The following SEPTIN14 variants were observed in gnomAD, a reference collection of about 807,000 sequenced individuals.
The protein encoded by SEPTIN14 is septin-14.
A neutral mutation model predicts 53.6 loss-of-function variants in SEPTIN14; 40 were observed. That is an observed-to-expected ratio of 0.75 (90% CI 0.58 to 0.97). The LOEUF (loss-of-function observed/expected upper bound fraction) is 0.97, where lower values mean the gene tolerates loss of function less well. SEPTIN14 is among the 50% of genes least tolerant of loss of function. SEPTIN14 has a pLI of 0.00. For synonymous variants in SEPTIN14, 138 were observed against 166.8 expected (o/e 0.83, Z 1.33); for missense variants, 471 against 508.2 (o/e 0.93, Z 0.70).
At chr7:55,820,382 G>A (rs1013661344) in intron 6 of SEPTIN14, among the ~76,000 whole-genome samples, 2 of 152,028 alleles carry the variant, frequency 1.3e-5, no homozygotes, top group African/African-American at 4.8e-5. Context: ...AAATAAAGGA[G>A]GTGTAAATTA....
intron 6 of SEPTIN14, among the ~76,000 whole-genome samples, chr7:55,825,705 A>G (rs1256085280): frequency 6.6e-6 from 1 of 151,874 alleles, no homozygotes; most frequent in East Asian, 1.9e-4. Context: ...GGTGACTCAC[A>G]CCTGTAATCC....
intron 5 of SEPTIN14, 112 bp from the exon 6 acceptor site, chr7:55,834,698 A>C (rs1166405884): frequency 6.5e-6 from 5 of 766,352 alleles, no homozygotes; most frequent in Non-Finnish European, 1.0e-5. Flanking sequence ...GCTGGAGTGC[A>C]GGGGCACGAT....
In SEPTIN14 at chr7:55,813,994, T is replaced by C. The variant is rs148215034; in HGVS notation, c.817+5133A>G. 2.8e-3 allele frequency among the ~76,000 whole-genome samples: 420 copies of C among 152,248 alleles called. 5 individuals are homozygous for C. The highest frequency in any genetic ancestry group is 0.01 in the Middle Eastern group (3 of 294). ...CCAGCTGTGATGGCCACAGGAGTGA[T>C]GATGTCACCCTTCCCTCAACTCCAA... On this transcript the variant is annotated intron_variant, in intron 7 of 9. Coordinates refer to ENST00000388975, the MANE Select transcript of SEPTIN14 (RefSeq NM_207366.3).
At chr7:55,843,491 A>G (rs1275714215) in intron 4 of SEPTIN14, among the ~76,000 whole-genome samples, 1 of 152,194 alleles carries the variant, frequency 6.6e-6, no homozygotes, top group African/African-American at 2.4e-5. Flanking sequence ...TACAAGGCAA[A>G]ACCACAATGA....
intron 7 of SEPTIN14, chr7:55,811,333 C>T: frequency 2.0e-6 from 1 of 508,460 alleles, no homozygotes; most frequent in Non-Finnish European, 4.0e-6. Context: ...CAGTCGAAGT[C>T]TTTAAGAAAG....
At chr7:55,804,285 G>A (rs780685497) in intron 9 of SEPTIN14, among the ~76,000 whole-genome samples, 9 of 144,086 alleles carry the variant, frequency 6.2e-5, no homozygotes, top group Admixed American at 4.9e-4. Context: ...TTTTTGAGAC[G>A]GAGTCTCACT....
chr7:55,856,142 A>C, intron 2 of SEPTIN14, among the ~76,000 whole-genome samples: 1 of 150,664 alleles, frequency 6.6e-6, no homozygotes, highest in Non-Finnish European at 1.5e-5. Context: ...TTCTGCCCTC[A>C]CCCCCTCCCT....
rs1227102429 is a variant in SEPTIN14, at chr7:55,862,003, C to G, written c.-7G>C. The G allele has an allele frequency of 5.1e-6, 8 of 1,565,110 alleles. No homozygotes were observed. The highest frequency in any genetic ancestry group is 6.9e-6 in the Non-Finnish European group (8 of 1,157,582). ...CCATTGTTCTTTCTGCCATGCTACA[C>G]TAAAAGAGCTGGAAATTTAAAAAAA... On this transcript the variant is annotated 5_prime_UTR_variant, in exon 2 of 10. Coordinates refer to ENST00000388975, the MANE Select transcript of SEPTIN14 (RefSeq NM_207366.3).
intron 6 of SEPTIN14, among the ~76,000 whole-genome samples, chr7:55,826,067 A>G (rs908769520): frequency 1.3e-5 from 2 of 151,184 alleles, no homozygotes; most frequent in African/African-American, 4.9e-5. Flanking sequence ...GAGCCACTGC[A>G]CTCCAGCCTG....
intron 6 of SEPTIN14, among the ~76,000 whole-genome samples, chr7:55,828,167 G>C (rs1789023178): frequency 6.6e-6 from 1 of 151,268 alleles, no homozygotes; most frequent in Admixed American, 6.6e-5. Flanking sequence ...TGAGATCCAA[G>C]ACAAAGCTGA....
At chr7:55,806,459 CT>C (rs974836009) in intron 8 of SEPTIN14, among the ~76,000 whole-genome samples, 1 of 113,802 alleles carries the variant, frequency 8.8e-6, no homozygotes, top group East Asian at 2.1e-4. Context: ...TTTATCCTTT[CT>C]TTTTTTTTCT....
At chr7:55,798,079 TC>T in intron 9 of SEPTIN14, 1 of 180,388 alleles carries the variant, frequency 5.5e-6, no homozygotes. Flanking sequence ...CAGCAAGGCC[TC>T]CCGTGGCCTC....
intron 2 of SEPTIN14, among the ~76,000 whole-genome samples, chr7:55,859,608 T>C (rs542388899): frequency 2.6e-5 from 4 of 152,278 alleles, no homozygotes; most frequent in Admixed American, 1.3e-4. Context: ...ATGATCCTAG[T>C]CACTCTTTTT....
intron 6 of SEPTIN14, among the ~76,000 whole-genome samples, chr7:55,827,373 A>G (rs1789007353): frequency 6.6e-6 from 1 of 152,228 alleles, no homozygotes; most frequent in African/African-American, 2.4e-5. Context: ...AAGAGCCACA[A>G]GACAGGCATT....
rs571374920 is a variant in SEPTIN14, at chr7:55,841,577, C to T, written c.558+1365G>A. On this transcript the variant is annotated intron_variant, in intron 5 of 9. Transcript: ENST00000388975. ...TCTATTAAAAATACAAAAATTAGGCCGAGCACAGTGGCTCACGCCTGTAAT... is the reference window on the plus strand; with the variant it reads ...TCTATTAAAAATACAAAAATTAGGCTGAGCACAGTGGCTCACGCCTGTAAT... Among the ~76,000 whole-genome samples, 3 of 152,076 alleles carry T rather than the reference C, an allele frequency of 2.0e-5. 1 individual carries two copies. The highest frequency in any genetic ancestry group is 4.8e-5 in the African/African-American group (2 of 41,514).
intron 9 of SEPTIN14, among the ~76,000 whole-genome samples, chr7:55,797,512 G>T (rs1052785094): frequency 6.6e-6 from 1 of 152,176 alleles, no homozygotes; most frequent in Non-Finnish European, 1.5e-5. Context: ...TACATTCAAA[G>T]TGCTGAAAGA....
intron 6 of SEPTIN14, among the ~76,000 whole-genome samples, chr7:55,819,717 T>C (rs980846524): frequency 1.4e-5 from 2 of 143,788 alleles, no homozygotes; most frequent in African/African-American, 5.4e-5. Flanking sequence ...TCTCAGGCTG[T>C]GCACACAATT....
chr7:55,838,722 A>AT (rs1212158141), intron 5 of SEPTIN14, among the ~76,000 whole-genome samples: 3 of 151,422 alleles, frequency 2.0e-5, no homozygotes, highest in African/African-American at 4.8e-5. Context: ...TAATTTTTCT[A>AT]TTTTTTTGTA....
At chr7:55,824,547 C>T (rs1428047924) in intron 6 of SEPTIN14, among the ~76,000 whole-genome samples, 2 of 151,820 alleles carry the variant, frequency 1.3e-5, no homozygotes, top group Non-Finnish European at 2.9e-5. Context: ...CTTTGGAAGG[C>T]TGAGGTAGGC....
Sources: allele counts gnomAD v4.1 joint callset (sites outside exome capture counted in the v4.1 genomes callset), GRCh38; gene constraint gnomAD v4.1.1; transcripts MANE v1.5; gene names NCBI Gene and HGNC (gene_info 2026-07-23, HGNC 2026-07-21).